Variants in CNOT2 observed in about 807,000 individuals in gnomAD.
CNOT2 encodes CCR4-NOT transcription complex subunit 2, also known as CC chemokine receptor 4-negative regulator of transcription 2.
In CNOT2, 7 loss-of-function variants were observed where a neutral mutation model predicts 72.1. That is an observed-to-expected ratio of 0.10 (90% CI 0.06 to 0.18). The LOEUF (loss-of-function observed/expected upper bound fraction) is 0.18. Among genes scored for constraint, CNOT2 ranks in the 10% least tolerant of loss-of-function variants. The pLI, the probability that CNOT2 is intolerant of heterozygous loss-of-function variation, is 1.00. For missense variants in CNOT2, 345 were observed against 660.3 expected, an observed-to-expected ratio of 0.52 and a Z score of 5.23; for synonymous variants, 196 against 225.6, an observed-to-expected ratio of 0.87 and a Z score of 1.17.
chr12:70,280,196 G>A (rs916994524), intron 2 of CNOT2, among the ~76,000 whole-genome samples: 13 of 152,114 alleles, frequency 8.5e-5, no homozygotes, highest in African/African-American at 3.1e-4. Flanking sequence ...CTATACATGT[G>A]CTTTTCAGAG....
At chr12:70,265,373 T>G (rs1487263427) in intron 1 of CNOT2, among the ~76,000 whole-genome samples, 1 of 151,466 alleles carries the variant, frequency 6.6e-6, no homozygotes, top group Admixed American at 6.6e-5. Context: ...AGTTCATTTG[T>G]TTCTGTAGGT....
At chr12:70,312,611 G>A (rs1876659975) in intron 3 of CNOT2, among the ~76,000 whole-genome samples, 1 of 151,850 alleles carries the variant, frequency 6.6e-6, no homozygotes, top group African/African-American at 2.4e-5. Context: ...TAACAGAATG[G>A]TTTGATTCAC....
chr12:70,343,825 C>A (rs1881818959), intron 13 of CNOT2: 1 of 236,502 alleles, frequency 4.2e-6, no homozygotes, highest in Non-Finnish European at 8.1e-6. Flanking sequence ...AGGTTCTTTT[C>A]CCCATTGGGT....
At chr12:70,352,200 A>G (rs931864285) in intron 15 of CNOT2, among the ~76,000 whole-genome samples, 2 of 152,144 alleles carry the variant, frequency 1.3e-5, no homozygotes, top group Admixed American at 1.3e-4. Flanking sequence ...TTTTTGTCAC[A>G]TGGAGGCTTT....
intron 1 of CNOT2, among the ~76,000 whole-genome samples, chr12:70,246,219 T>G (rs1323759936): frequency 6.6e-6 from 1 of 152,194 alleles, no homozygotes; most frequent in Non-Finnish European, 1.5e-5. Context: ...AGCTTTTTTT[T>G]GTTGTTAAAA....
chr12:70,270,311 GATAA>G (rs1390823383), intron 1 of CNOT2, among the ~76,000 whole-genome samples: 6 of 152,078 alleles, frequency 3.9e-5, no homozygotes, highest in Admixed American at 1.3e-4. Flanking sequence ...TTAGTTCTTA[GATAA>G]ATAAAGCAAA....
At chr12:70,332,114 CTATATT>C (rs1365400671) in intron 6 of CNOT2, among the ~76,000 whole-genome samples, 1 of 151,532 alleles carries the variant, frequency 6.6e-6, no homozygotes, top group Non-Finnish European at 1.5e-5. Context: ...GAAAGGTAAA[CTATATT>C]TAGATAAGAA....
At chr12:70,285,216 G>GT (rs1172661205) in intron 2 of CNOT2, among the ~76,000 whole-genome samples, 2,962 of 143,850 alleles carry the variant, frequency 0.021, 93 homozygotes, top group African/African-American at 0.068. Flanking sequence ...TTTTGTTTTT[G>GT]TTTTTTTTTT....
intron 2 of CNOT2, among the ~76,000 whole-genome samples, chr12:70,306,126 T>C (rs11610438): frequency 0.095 from 14,510 of 152,098 alleles, 892 homozygotes; most frequent in Middle Eastern, 0.19. Flanking sequence ...TACAGAGGAT[T>C]AGCTTACTTA....
intron 1 of CNOT2, among the ~76,000 whole-genome samples, chr12:70,257,395 C>CT (rs1351957753): frequency 7.2e-6 from 1 of 138,624 alleles, no homozygotes; most frequent in Non-Finnish European, 1.5e-5. Context: ...GAGTCTCGCT[C>CT]TTTCGCCCAG....
At chr12:70,255,406 T>C (rs1005915191) in intron 1 of CNOT2, among the ~76,000 whole-genome samples, 1 of 152,192 alleles carries the variant, frequency 6.6e-6, no homozygotes, top group Admixed American at 6.5e-5. Flanking sequence ...TGTGTATGAA[T>C]AACTTACGCT....
chr12:70,261,291 T>C (rs1481861733), intron 1 of CNOT2, among the ~76,000 whole-genome samples: 1 of 148,390 alleles, frequency 6.7e-6, no homozygotes, highest in Non-Finnish European at 1.5e-5. Flanking sequence ...TCTTTGTGCC[T>C]ATTTTCTTTC....
At chr12:70,244,109 G>A (rs1957742415) in intron 1 of CNOT2, 1 of 152,416 alleles carries the variant, frequency 6.6e-6, no homozygotes, top group Non-Finnish European at 1.5e-5. Context: ...GATCCTGCAG[G>A]CCCTGGGATA....
intron 2 of CNOT2, chr12:70,278,536 T>C (rs1869254628): frequency 2.4e-6 from 1 of 409,028 alleles, no homozygotes. Context: ...TTATTTGATA[T>C]ACAAGTTATG....
intron 2 of CNOT2, among the ~76,000 whole-genome samples, chr12:70,284,034 T>A (rs1870411195): frequency 6.7e-6 from 1 of 149,964 alleles, no homozygotes; most frequent in Non-Finnish European, 1.5e-5. Flanking sequence ...CTCTGTCTCC[T>A]GGGTTGAAGC....
At chr12:70,246,048 C>G (rs938713346) in intron 1 of CNOT2, among the ~76,000 whole-genome samples, 2 of 152,102 alleles carry the variant, frequency 1.3e-5, no homozygotes, top group Non-Finnish European at 2.9e-5. Flanking sequence ...ATAGTTTTAT[C>G]TTTTCTAGTG....
intron 1 of CNOT2, among the ~76,000 whole-genome samples, chr12:70,256,574 C>G (rs1958450717): frequency 7.8e-6 from 1 of 128,144 alleles, no homozygotes; most frequent in South Asian, 2.5e-4. Context: ...CTGAAGGAGA[C>G]CTGTGGGTAA....
intron 6 of CNOT2, 169 bp from the exon 7 acceptor site, chr12:70,332,598 G>A: frequency 9.6e-7 from 1 of 1,037,258 alleles, no homozygotes; most frequent in Non-Finnish European, 1.2e-6. Flanking sequence ...AAGGACTTTA[G>A]AGAAGTTTTC....
At chr12:70,267,721 G>A (rs573864938) in intron 1 of CNOT2, among the ~76,000 whole-genome samples, 18 of 152,336 alleles carry the variant, frequency 1.2e-4, no homozygotes, top group African/African-American at 3.8e-4. Flanking sequence ...CACACAGTGA[G>A]GTCACTTGCT....
Sources: allele counts gnomAD v4.1 joint callset (sites outside exome capture counted in the v4.1 genomes callset), GRCh38; gene constraint gnomAD v4.1.1; transcripts MANE v1.5; gene names NCBI Gene and HGNC (gene_info 2026-07-23, HGNC 2026-07-21).